The following DLG2 variants were observed in gnomAD, a reference collection of about 807,000 sequenced individuals.
DLG2 encodes disks large homolog 2.
In DLG2, 45 loss-of-function variants were observed where a neutral mutation model predicts 132.5. The ratio of observed to expected loss-of-function variants is 0.34; its 90% CI spans 0.27 to 0.44. The LOEUF (loss-of-function observed/expected upper bound fraction) is 0.44, where lower values mean the gene tolerates loss of function less well. DLG2 is among the 20% of genes least tolerant of loss of function. The pLI is 1.00. For synonymous variants in DLG2, 424 were observed against 419.6 expected (o/e 1.01, Z -0.13); for missense variants, 1,045 against 1,196.9 (o/e 0.87, Z 1.87).
At chr11:83,850,055 G>C (rs1180918923) in intron 16 of DLG2, among the ~76,000 whole-genome samples, 1 of 151,898 alleles carries the variant, frequency 6.6e-6, no homozygotes, top group African/African-American at 2.4e-5. Context: ...TCTCATCCTA[G>C]GGGGACAGGG....
At chr11:84,799,515 G>A (rs568709271) in intron 6 of DLG2, among the ~76,000 whole-genome samples, 47 of 152,264 alleles carry the variant, frequency 3.1e-4, no homozygotes, top group Admixed American at 2.8e-3. Flanking sequence ...TCTTATGAAG[G>A]TGCATTTTTG....
In DLG2 at chr11:83,743,852, G is replaced by A. The variant is rs78205197; in HGVS notation, c.1825+42838C>T. On this transcript the variant is annotated intron_variant, in intron 18 of 27. Coordinates refer to ENST00000376104, the MANE Select transcript of DLG2 (RefSeq NM_001142699.3). Reference sequence around the variant, plus strand: ...GATTACACGAATGAAAACAGGTAAAGGGCAGTGAATGTTCAATAAAGGTTG... The same window carrying A: ...GATTACACGAATGAAAACAGGTAAAAGGCAGTGAATGTTCAATAAAGGTTG... Among the ~76,000 whole-genome samples, 638 of 152,278 alleles carry A rather than the reference G, an allele frequency of 4.2e-3. 4 individuals are homozygous for A. Among genetic ancestry groups the A allele is most frequent in the Non-Finnish European group, 6.0e-3 (410 of 68,020 alleles).
At position 83,472,501 on chromosome 11, in the gene DLG2, C is replaced by A. The variant is rs1257096851; in HGVS notation, c.2344+226G>T. On this transcript the variant is annotated intron_variant, in intron 23 of 27. Transcript: ENST00000376104. ...GACCACTCATCTGGAGGGCTGCATC[C>A]TTCTCTTAGGTGCTATTAGTGCCCA... Among the ~76,000 whole-genome samples, 5 of 152,098 alleles carry A rather than the reference C, an allele frequency of 3.3e-5. No homozygotes were observed. In the East Asian group the frequency reaches 9.6e-4, roughly 29 times the overall value.
chr11:84,621,132 G>C (rs144897545), intron 6 of DLG2, among the ~76,000 whole-genome samples: 2 of 151,966 alleles, frequency 1.3e-5, no homozygotes, highest in Non-Finnish European at 2.9e-5. Context: ...TACCCTCAAA[G>C]GTAACAGCAT....
intron 7 of DLG2, among the ~76,000 whole-genome samples, chr11:84,435,829 A>G (rs2154475174): frequency 6.6e-6 from 1 of 152,238 alleles, no homozygotes; most frequent in South Asian, 2.1e-4. Flanking sequence ...ATTTGGGTCC[A>G]GGCTTGAAAT....
intron 3 of DLG2, among the ~76,000 whole-genome samples, chr11:85,392,662 A>G (rs185892537): frequency 3.3e-5 from 5 of 152,184 alleles, no homozygotes; most frequent in African/African-American, 1.2e-4. Flanking sequence ...GCAGAAATAA[A>G]CTCAAATACT....
intron 5 of DLG2, among the ~76,000 whole-genome samples, chr11:85,123,867 G>A (rs1269346395): frequency 6.6e-6 from 1 of 152,170 alleles, no homozygotes; most frequent in African/African-American, 2.4e-5. Flanking sequence ...ATCTTTGAAC[G>A]CACAAATGGA....
At position 84,535,888 on chromosome 11, in the gene DLG2, T is replaced by C. The variant is rs575634010; in HGVS notation, c.358-1157A>G. 4.6e-5 allele frequency among the ~76,000 whole-genome samples: 7 copies of C among 152,062 alleles called. No individual in the cohort carries two copies. The South Asian group carries it at 1.0e-3, about 23-fold the overall frequency. The stretch of plus-strand genomic sequence containing the variant: ...TGTCATAACACCATCACAGGCTTAA[T>C]TGTGATGTCTAACTTCTTCCCAGTG... On this transcript the variant is annotated intron_variant, in intron 6 of 27. Coordinates refer to ENST00000376104, the MANE Select transcript of DLG2 (RefSeq NM_001142699.3).
chr11:83,982,957 C>T (rs1336197349), intron 11 of DLG2, among the ~76,000 whole-genome samples: 1 of 152,116 alleles, frequency 6.6e-6, no homozygotes, highest in African/African-American at 2.4e-5. Context: ...CAAGGAACAA[C>T]AGGCTATACT....
chr11:84,889,800 C>A (rs1489222853), intron 6 of DLG2, among the ~76,000 whole-genome samples: 1 of 152,172 alleles, frequency 6.6e-6, no homozygotes, highest in Non-Finnish European at 1.5e-5. Flanking sequence ...GTACATCTAT[C>A]TCCTTTGTTT....
intron 3 of DLG2, among the ~76,000 whole-genome samples, chr11:85,437,041 A>G (rs890437228): frequency 1.3e-5 from 2 of 152,208 alleles, no homozygotes; most frequent in African/African-American, 4.8e-5. Flanking sequence ...TCAGCAAACT[A>G]ACACAGGAAC....
chr11:84,478,214 AG>A (rs1377239700), intron 7 of DLG2, among the ~76,000 whole-genome samples: 1 of 152,190 alleles, frequency 6.6e-6, no homozygotes, highest in Non-Finnish European at 1.5e-5. Flanking sequence ...AATATAAAAA[AG>A]CTTAATAGCA....
intron 4 of DLG2, among the ~76,000 whole-genome samples, chr11:85,162,652 T>G (rs561224376): frequency 3.7e-4 from 56 of 152,366 alleles, no homozygotes; most frequent in African/African-American, 1.3e-3. Flanking sequence ...ATTAAAGTAT[T>G]GTTAACTTTA....
intron 11 of DLG2, among the ~76,000 whole-genome samples, chr11:84,048,530 A>G (rs768230120): frequency 1.3e-5 from 2 of 151,734 alleles, no homozygotes; most frequent in South Asian, 2.1e-4. Context: ...ATCCCAGGAC[A>G]TGAGCCTGAA....
chr11:83,738,565 G>A (rs954739535), intron 18 of DLG2, among the ~76,000 whole-genome samples: 1 of 152,048 alleles, frequency 6.6e-6, no homozygotes, highest in Non-Finnish European at 1.5e-5. Context: ...AAAACAGCAG[G>A]AGATACAGTC....
intron 6 of DLG2, among the ~76,000 whole-genome samples, chr11:84,825,480 T>G (rs942981734): frequency 2.6e-5 from 4 of 151,928 alleles, no homozygotes; most frequent in African/African-American, 4.8e-5. Flanking sequence ...ATGAACTATT[T>G]AAAAAATCCA....
chr11:83,663,579 G>A (rs2074854140), intron 18 of DLG2, among the ~76,000 whole-genome samples: 1 of 152,196 alleles, frequency 6.6e-6, no homozygotes, highest in Non-Finnish European at 1.5e-5. Context: ...GTAGAAGCTT[G>A]CCAAGTATTA....
At chr11:85,366,697 T>G (rs1418577403) in intron 3 of DLG2, among the ~76,000 whole-genome samples, 1 of 152,164 alleles carries the variant, frequency 6.6e-6, no homozygotes, top group Non-Finnish European at 1.5e-5. Context: ...CTAGGGAATT[T>G]GCTGGATAAG....
At chr11:84,139,099 C>T (rs1275072489) in intron 9 of DLG2, among the ~76,000 whole-genome samples, 2 of 152,112 alleles carry the variant, frequency 1.3e-5, no homozygotes, top group Non-Finnish European at 2.9e-5. Context: ...CAAGAAGAGT[C>T]AAGTCTAGTT....
Sources: gnomAD v4.1 joint callset for allele counts (sites outside exome capture counted in the v4.1 genomes callset) on GRCh38, gnomAD v4.1.1 for gene constraint, MANE v1.5 for transcripts, NCBI Gene and HGNC (gene_info 2026-07-23, HGNC 2026-07-21) for gene names.